Variants in VSTM1 observed in about 807,000 individuals in gnomAD.
The protein encoded by VSTM1 is V-set and transmembrane domain containing 1, also known as V-set and transmembrane domain-containing protein 1.
A neutral mutation model predicts 33.1 loss-of-function variants in VSTM1; 27 were observed. The ratio of observed to expected loss-of-function variants is 0.82; its 90% CI spans 0.60 to 1.12. The LOEUF (loss-of-function observed/expected upper bound fraction) is 1.12. VSTM1 is among the 50% of genes most tolerant of loss of function. The pLI, the probability that VSTM1 is intolerant of heterozygous loss-of-function variation, is 0.00. For synonymous variants in VSTM1, 115 were observed against 110.3 expected (o/e 1.04, Z -0.27); for missense variants, 304 against 288.9 (o/e 1.05, Z -0.38).
At chr19:54,061,020 T>TC (rs1568483872) in intron 1 of VSTM1, among the ~76,000 whole-genome samples, 1 of 142,748 alleles carries the variant, frequency 7.0e-6, no homozygotes, top group African/African-American at 2.6e-5. Flanking sequence ...TCTTTTCTTT[T>TC]TTTTTTTTTT....
In VSTM1 at chr19:54,058,501, G is replaced by A. The variant is rs2071222239; in HGVS notation, c.160C>T (p.Gln54Ter). The change falls in exon 3 of 9, where the codon CAG becomes TAG. Residue 54 changes from glutamine (Q) to a stop codon, truncating the protein, a stop_gained. Transcript: ENST00000338372. LOFTEE classifies it high-confidence loss of function. ...NVTLKCQAHS[Q>*]NVTFVLRKVN... ...TTGCGCAGCACAAATGTCACATTCT[G>A]GGAATGAGCCTGACACTTCAGGGTC... 6.2e-7 allele frequency: 1 copy of A among 1,614,098 alleles called. No homozygotes were observed. The highest frequency in any genetic ancestry group is 1.3e-5 in the African/African-American group (1 of 75,020).
In VSTM1 at chr19:54,042,320, G is replaced by A. The variant is rs2070328261; in HGVS notation, c.444C>T (p.Leu148=). 2 of 1,613,990 alleles carry A rather than the reference G, an allele frequency of 1.2e-6. No individual in the cohort carries two copies. The highest frequency in any genetic ancestry group is 1.7e-6 in the Non-Finnish European group (2 of 1,179,976). ...AGATGATGAAGACTGAGAGGAAGAGGAGAAGGATGGAGATGCAGCTGAAGA... is the reference window on the plus strand; with the variant it reads ...AGATGATGAAGACTGAGAGGAAGAGAAGAAGGATGGAGATGCAGCTGAAGA... ...VAIFSCISIL[L]LFLSVFIIYR... The change falls in exon 5 of 9, where the codon CTC becomes CTT. Residue 148 remains leucine (L), a synonymous_variant. Coordinates refer to ENST00000338372, the MANE Select transcript of VSTM1 (RefSeq NM_198481.4).
rs563975689 is a variant in VSTM1 at position 54,059,750 on chromosome 19, A to G, written c.35-1018T>C. Among the ~76,000 whole-genome samples, 10 of 152,204 alleles carry G rather than the reference A, an allele frequency of 6.6e-5. No homozygotes were observed. The East Asian group carries it at 1.9e-3, about 29-fold the overall frequency. ...CAGCCTCCCAAAGCGCTGGGATTAC[A>G]GGCATGAGCCACCGTGCCCGGCCTG... On this transcript the variant is annotated intron_variant, in intron 1 of 8. Coordinates refer to ENST00000338372, the MANE Select transcript of VSTM1 (RefSeq NM_198481.4).
chr19:54,056,214 C>CTTTTTTTTTTTTT lies in VSTM1; in HGVS notation c.355+2079_355+2091dup, dbSNP rs869203085. 4.6e-4 allele frequency among the ~76,000 whole-genome samples: 18 copies of CTTTTTTTTTTTTT among 39,174 alleles called. 1 individual carries two copies. Among genetic ancestry groups the CTTTTTTTTTTTTT allele is most frequent in the African/African-American group, 1.4e-3 (14 of 10,288 alleles). The allele number at this position is 39,174 out of a possible 152,430, so 25.7% of individuals were successfully genotyped here. Reference sequence around the variant, plus strand: ...TTCTTTCTTTCTTTTCTTTTCTTTTCTTTTTTTTTTTTTTTTTTTTTTTTT... The same window carrying CTTTTTTTTTTTTT: ...TTCTTTCTTTCTTTTCTTTTCTTTTCTTTTTTTTTTTTTTTTTTTTTTTTTTTTTTTTTTTTTT... On this transcript the variant is annotated intron_variant, in intron 3 of 8. Transcript: ENST00000338372.
chr19:54,041,050 C>T lies in VSTM1; in HGVS notation c.622G>A (p.Glu208Lys), dbSNP rs2070234616. The T allele has an allele frequency of 6.2e-7, 1 of 1,601,918 alleles. No individual in the cohort carries two copies. Reference sequence around the variant, plus strand: ...TCAGACAGGGCGCTGGTGCTTAGCTCAGCATAGGTCACTCCTTGGGGGTCT... The same window carrying T: ...TCAGACAGGGCGCTGGTGCTTAGCTTAGCATAGGTCACTCCTTGGGGGTCT... ...TADPQGVTYA[E>K]LSTSALSEAA... Residue 208 changes from glutamate (E) to lysine (K), a missense_variant, in exon 9 of 9, where the codon GAG becomes AAG. Glu to Lys is a moderately conservative substitution (Grantham distance 56). Transcript: ENST00000338372.
At position 54,056,849 on chromosome 19, in the gene VSTM1, CCTT is replaced by C. The variant is rs1253222093; in HGVS notation, c.355+1454_355+1456del. On this transcript the variant is annotated intron_variant, in intron 3 of 8. Coordinates refer to ENST00000338372, the MANE Select transcript of VSTM1 (RefSeq NM_198481.4). The stretch of plus-strand genomic sequence containing the variant: ...TCCACATTGAAGGTGTTGCATCTAT[CCTT>C]CTTCTTCTTTTTTTTTTTTAGACGG... Among the ~76,000 whole-genome samples the C allele has an allele frequency of 2.5e-4, 31 of 125,412 alleles. 4 individuals are homozygous for C. The highest frequency in any genetic ancestry group is 3.8e-4 in the African/African-American group (14 of 36,950). 82.3% of individuals were successfully genotyped at this position (125,412 alleles called of 152,430 possible).
intron 1 of VSTM1, 115 bp from the exon 2 acceptor site, chr19:54,058,847 T>G: frequency 2.3e-6 from 1 of 430,140 alleles, no homozygotes; most frequent in Non-Finnish European, 3.9e-6. Flanking sequence ...ATATATAATG[T>G]ATATATGTAT....
Position 54,056,646 on chromosome 19 carries a change from C to A in VSTM1, c.355+1660G>T. The stretch of plus-strand genomic sequence containing the variant: ...CTCCCCCCAGTATAGCCTTCCTCCT[C>A]CTCTTGGGAACTGTAACAGACCATC... On this transcript the variant is annotated intron_variant, in intron 3 of 8. Coordinates refer to ENST00000338372, the MANE Select transcript of VSTM1 (RefSeq NM_198481.4). 1.4e-5 allele frequency among the ~76,000 whole-genome samples: 2 copies of A among 140,360 alleles called. 1 individual carries two copies. The highest frequency in any genetic ancestry group is 3.1e-5 in the Non-Finnish European group (2 of 63,976). The allele number at this position is 140,360 out of a possible 152,430, so 92.1% of individuals were successfully genotyped here.
At chr19:54,044,021 C>A (rs1289116596) in intron 4 of VSTM1, among the ~76,000 whole-genome samples, 4 of 152,050 alleles carry the variant, frequency 2.6e-5, no homozygotes, top group African/African-American at 9.7e-5. Flanking sequence ...AGTGGTCCTC[C>A]TCACTCGGCC....
At chr19:54,041,736 T>C (rs370495816) in intron 8 of VSTM1, 43 bp downstream of exon 8, 42 of 1,602,690 alleles carry the variant, frequency 2.6e-5, no homozygotes, top group Non-Finnish European at 3.3e-5. Context: ...CAGCCCATTG[T>C]GGTGAGGGAG....
At chr19:54,042,415 T>A in intron 4 of VSTM1, 46 bp from the exon 5 acceptor site, 1 of 1,594,558 alleles carries the variant, frequency 6.3e-7, no homozygotes, top group East Asian at 2.3e-5. Context: ...GCTCCTGAAA[T>A]CCACTGATAG....
chr19:54,052,335 T>C (rs1422995354), intron 3 of VSTM1, among the ~76,000 whole-genome samples: 2,731 of 114,272 alleles, frequency 0.024, 43 homozygotes, highest in Middle Eastern at 0.026. Context: ...GAGGCGGAGC[T>C]TGCAGTGAGC....
intron 4 of VSTM1, among the ~76,000 whole-genome samples, chr19:54,042,843 T>C (rs200313522): frequency 5.4e-5 from 7 of 128,856 alleles, no homozygotes; most frequent in Admixed American, 8.0e-5. Context: ...TATATACATA[T>C]ATATATATAT....
At chr19:54,044,516 C>T (rs1314814883) in intron 4 of VSTM1, among the ~76,000 whole-genome samples, 12 of 152,128 alleles carry the variant, frequency 7.9e-5, no homozygotes, top group Non-Finnish European at 1.5e-5. Flanking sequence ...GCCGAGATCG[C>T]ATCACTGCAT....
chr19:54,060,363 A>C (rs1474675571), intron 1 of VSTM1, among the ~76,000 whole-genome samples: 1 of 152,070 alleles, frequency 6.6e-6, no homozygotes, highest in Non-Finnish European at 1.5e-5. Context: ...GGCTTGTTTC[A>C]GGGTGAAGTT....
intron 4 of VSTM1, among the ~76,000 whole-genome samples, chr19:54,045,707 C>T (rs1242392849): frequency 2.6e-5 from 4 of 151,878 alleles, no homozygotes; most frequent in Non-Finnish European, 5.9e-5. Flanking sequence ...TCTATCTATC[C>T]ACCTACTTAT....
At chr19:54,052,342 G>A (rs1452647054) in intron 3 of VSTM1, among the ~76,000 whole-genome samples, 4 of 142,036 alleles carry the variant, frequency 2.8e-5, no homozygotes, top group African/African-American at 1.0e-4. Flanking sequence ...AGCTTGCAGT[G>A]AGCCGAGATC....
rs57596611 is a variant in VSTM1, at chr19:54,042,839, C to CATAT, written c.395-474_395-471dup. ...ATATATATATATATATATATATATA[C>CATAT]ATATATATATATATATACACACTTT... On this transcript the variant is annotated intron_variant, in intron 4 of 8. Coordinates refer to ENST00000338372, the MANE Select transcript of VSTM1 (RefSeq NM_198481.4). Among the ~76,000 whole-genome samples, 174 of 70,732 alleles carry CATAT rather than the reference C, an allele frequency of 2.5e-3. 1 individual carries two copies. The highest frequency in any genetic ancestry group is 0.018 in the Middle Eastern group (2 of 110). 46.4% of individuals were successfully genotyped at this position (70,732 alleles called of 152,430 possible). A position where few individuals can be genotyped will look rare whatever the true frequency, so the allele number is the denominator to read the frequency against.
At position 54,055,724 on chromosome 19, in the gene VSTM1, A is replaced by G. The variant is rs1163907626; in HGVS notation, c.355+2582T>C. ...ACATTCGGTTCCATTGTATGGAGTG[A>G]GACATCGAAGTGTCCTGAGACCTGG... On this transcript the variant is annotated intron_variant, in intron 3 of 8. Coordinates refer to ENST00000338372, the MANE Select transcript of VSTM1 (RefSeq NM_198481.4). 1.4e-5 allele frequency: 2 copies of G among 142,742 alleles called. 1 individual carries two copies. Among genetic ancestry groups the G allele is most frequent in the African/African-American group, 5.2e-5 (2 of 38,540 alleles). 8.8% of individuals were successfully genotyped at this position (142,742 alleles called of 1,614,324 possible).
Sources: gnomAD v4.1 joint callset for allele counts (sites outside exome capture counted in the v4.1 genomes callset) on GRCh38, gnomAD v4.1.1 for gene constraint, MANE v1.5 for transcripts, NCBI Gene and HGNC (gene_info 2026-07-23, HGNC 2026-07-21) for gene names.